Variants in PTPRG observed in about 807,000 individuals in gnomAD.
PTPRG encodes receptor-type tyrosine-protein phosphatase gamma.
In PTPRG, 102 loss-of-function variants were observed where a neutral mutation model predicts 165.3. That is an observed-to-expected ratio of 0.62 (90% CI 0.53 to 0.73). PTPRG has a LOEUF of 0.73. Among genes scored for constraint, PTPRG ranks in the 30% least tolerant of loss-of-function variants. The pLI is 0.00. For synonymous variants in PTPRG, 675 were observed against 669.5 expected, an observed-to-expected ratio of 1.01 and a Z score of -0.13; for missense variants, 1,866 against 1,861.4, an observed-to-expected ratio of 1.00 and a Z score of -0.05.
chr3:62,207,892 G>C (rs948080488), intron 12 of PTPRG, among the ~76,000 whole-genome samples: 2 of 152,160 alleles, frequency 1.3e-5, no homozygotes, highest in African/African-American at 4.8e-5. Flanking sequence ...GCAAATTAAA[G>C]AGCACATGAC....
intron 2 of PTPRG, among the ~76,000 whole-genome samples, chr3:61,823,671 GC>G (rs1444964588): frequency 6.6e-6 from 1 of 152,162 alleles, no homozygotes; most frequent in African/African-American, 2.4e-5. Flanking sequence ...TTGTAGACTA[GC>G]TTAATAAGGT....
chr3:61,900,587 C>A (rs186793145), intron 2 of PTPRG, among the ~76,000 whole-genome samples: 1 of 152,286 alleles, frequency 6.6e-6, no homozygotes, highest in East Asian at 1.9e-4. Flanking sequence ...CAGTGCAGCT[C>A]CCAAACCACC....
intron 4 of PTPRG, among the ~76,000 whole-genome samples, chr3:62,041,866 G>T (rs933790653): frequency 3.3e-5 from 5 of 152,158 alleles, no homozygotes; most frequent in African/African-American, 1.2e-4. Flanking sequence ...TGGCTTCCTT[G>T]TACTGACTAT....
chr3:61,858,116 G>T (rs1218858770), intron 2 of PTPRG, among the ~76,000 whole-genome samples: 1 of 152,176 alleles, frequency 6.6e-6, no homozygotes, highest in Non-Finnish European at 1.5e-5. Context: ...CATTTGTATT[G>T]TGGGCGTTGG....
intron 1 of PTPRG, among the ~76,000 whole-genome samples, chr3:61,622,812 G>C (rs1701500927): frequency 6.6e-6 from 1 of 152,096 alleles, no homozygotes; most frequent in Non-Finnish European, 1.5e-5. Context: ...TTTCCAGTTA[G>C]TAACTGCCTC....
chr3:61,579,314 A>C (rs1700231577), intron 1 of PTPRG, among the ~76,000 whole-genome samples: 1 of 151,898 alleles, frequency 6.6e-6, no homozygotes, highest in East Asian at 1.9e-4. Context: ...TGGGAGTTTT[A>C]CTCTTGTGTA....
At chr3:62,044,737 T>C (rs542248415) in intron 4 of PTPRG, among the ~76,000 whole-genome samples, 1 of 152,306 alleles carries the variant, frequency 6.6e-6, no homozygotes, top group African/African-American at 2.4e-5. Flanking sequence ...ATCCTTCTAA[T>C]CTCAGATACG....
intron 2 of PTPRG, among the ~76,000 whole-genome samples, chr3:61,927,196 G>T (rs1215863116): frequency 3.3e-5 from 5 of 152,062 alleles, no homozygotes; most frequent in African/African-American, 4.8e-5. Context: ...TAAGCATAAA[G>T]AACTTTTTTT....
intron 4 of PTPRG, among the ~76,000 whole-genome samples, chr3:62,011,472 G>C (rs1464681948): frequency 6.6e-6 from 1 of 152,178 alleles, no homozygotes; most frequent in Non-Finnish European, 1.5e-5. Context: ...GGACGTGTTA[G>C]AGAGATCATC....
chr3:61,701,270 T>C (rs1342879147), intron 1 of PTPRG, among the ~76,000 whole-genome samples: 1 of 152,168 alleles, frequency 6.6e-6, no homozygotes, highest in Non-Finnish European at 1.5e-5. Flanking sequence ...AGAATAGCTG[T>C]GTGATACTTC....
chr3:61,635,842 A>ATT (rs548584992), intron 1 of PTPRG, among the ~76,000 whole-genome samples: 29 of 152,242 alleles, frequency 1.9e-4, no homozygotes, highest in African/African-American at 6.0e-4. Context: ...TCCATGAAAA[A>ATT]TATTAGAGTT....
chr3:62,051,893 T>A (rs563108004), intron 4 of PTPRG, among the ~76,000 whole-genome samples: 1 of 152,318 alleles, frequency 6.6e-6, no homozygotes, highest in Admixed American at 6.5e-5. Flanking sequence ...TTCAACATAT[T>A]GCAATCAACT....
At chr3:62,193,024 A>T (rs1027524263) in intron 9 of PTPRG, among the ~76,000 whole-genome samples, 2 of 152,136 alleles carry the variant, frequency 1.3e-5, no homozygotes, top group African/African-American at 2.4e-5. Context: ...TATCTGGGTC[A>T]CGTTAGGGAA....
intron 2 of PTPRG, among the ~76,000 whole-genome samples, chr3:61,794,445 G>A (rs758890569): frequency 2.6e-5 from 4 of 152,164 alleles, no homozygotes; most frequent in Non-Finnish European, 4.4e-5. Context: ...TGGTCCCTAT[G>A]TAATTTGACT....
intron 4 of PTPRG, among the ~76,000 whole-genome samples, chr3:62,076,779 C>T (rs1158633693): frequency 1.3e-5 from 2 of 152,050 alleles, no homozygotes; most frequent in Non-Finnish European, 2.9e-5. Flanking sequence ...CAGGGTTTCT[C>T]CATGTTGGTC....
At chr3:62,000,780 G>C (rs76372468) in intron 3 of PTPRG, among the ~76,000 whole-genome samples, 1 of 152,142 alleles carries the variant, frequency 6.6e-6, no homozygotes, top group Non-Finnish European at 1.5e-5. Context: ...CCAGTCTTCC[G>C]TGCTGTCCAG....
At chr3:62,230,032 C>A (rs1173816911) in intron 13 of PTPRG, among the ~76,000 whole-genome samples, 1 of 152,358 alleles carries the variant, frequency 6.6e-6, no homozygotes, top group East Asian at 1.9e-4. Flanking sequence ...CATAGCCACA[C>A]TGAGTATATC....
At chr3:61,775,324 G>A (rs920631992) in intron 2 of PTPRG, among the ~76,000 whole-genome samples, 17 of 152,142 alleles carry the variant, frequency 1.1e-4, no homozygotes, top group Admixed American at 1.1e-3. Context: ...GCCCACTTTG[G>A]CCTCCCAAAG....
At chr3:62,221,665 T>C (rs1363510036) in intron 13 of PTPRG, among the ~76,000 whole-genome samples, 2 of 152,162 alleles carry the variant, frequency 1.3e-5, no homozygotes, top group Non-Finnish European at 2.9e-5. Context: ...AAGTAGAGCA[T>C]TGAGGCAGAT....
Sources: allele counts gnomAD v4.1 joint callset (sites outside exome capture counted in the v4.1 genomes callset), GRCh38; gene constraint gnomAD v4.1.1; transcripts MANE v1.5; gene names NCBI Gene and HGNC (gene_info 2026-07-23, HGNC 2026-07-21).